Variants in FAT2 observed in about 807,000 individuals in gnomAD.
FAT2 encodes protocadherin Fat 2.
In FAT2, 150 loss-of-function variants were observed where a neutral mutation model predicts 295.3. The observed-to-expected ratio is 0.51, with a 90% CI of 0.44 to 0.58. The LOEUF is 0.58. Among genes scored for constraint, FAT2 ranks in the 20% least tolerant of loss-of-function variants. The pLI is 0.00. For synonymous variants in FAT2, 2,026 were observed against 2,150.3 expected, an observed-to-expected ratio of 0.94 and a Z score of 1.60; for missense variants, 4,868 against 5,442.7, an observed-to-expected ratio of 0.89 and a Z score of 3.32.
chr5:151,520,035 T>A (rs73272057), intron 19 of FAT2, among the ~76,000 whole-genome samples: 1 of 152,208 alleles, frequency 6.6e-6, no homozygotes, highest in African/African-American at 2.4e-5. Flanking sequence ...TGGCTTTCCC[T>A]GAAGCAGGCC....
In FAT2 at chr5:151,567,691, A is replaced by C. The variant is rs143809308; in HGVS notation, c.1241T>G (p.Leu414Trp). 2.5e-4 allele frequency: 403 copies of C among 1,614,208 alleles called. 2 individuals carry two copies. Among genetic ancestry groups the C allele is most frequent in the South Asian group, 7.1e-4 (65 of 91,076 alleles). Residue 414 changes from leucine to tryptophan, a missense_variant, in exon 2 of 24, where the codon TTG becomes TGG. Physicochemically the swap from Leu to Trp is moderately conservative, Grantham distance 61. Transcript: ENST00000261800. ...VGFKLNARTG[L>W]ITTTKLMDFH... ...GTCCATGAGCTTTGTGGTGGTGATC[A>C]ACCCAGTTCGAGCATTAAGTTTAAA...
At chr5:151,574,722 A>G (rs1415499444) in intron 1 of FAT2, among the ~76,000 whole-genome samples, 1 of 152,258 alleles carries the variant, frequency 6.6e-6, no homozygotes, top group East Asian at 1.9e-4. Context: ...GTTTAAGACA[A>G]CTGGAATTCA....
At position 151,504,849 on chromosome 5, in the gene FAT2, C is replaced by T. The variant is rs969612712; in HGVS notation, c.*716G>A. On this transcript the variant is annotated 3_prime_UTR_variant, in exon 24 of 24. Coordinates refer to ENST00000261800, the MANE Select transcript of FAT2 (RefSeq NM_001447.3). ...CCCTGACTGGCAGCCAGTGGTGTGACTCTGAGGTGGGCCCGTTCCTCTGCG... is the reference window on the plus strand; with the variant it reads ...CCCTGACTGGCAGCCAGTGGTGTGATTCTGAGGTGGGCCCGTTCCTCTGCG... 1 of 152,696 alleles carries T rather than the reference C, an allele frequency of 6.5e-6. No homozygotes were observed. The highest frequency in any genetic ancestry group is 1.5e-5 in the Non-Finnish European group (1 of 68,134). 9.5% of individuals were successfully genotyped at this position (152,696 alleles called of 1,614,324 possible).
chr5:151,527,403 T>G, intron 16 of FAT2, 26 bp from the exon 17 acceptor site: 1 of 1,563,434 alleles, frequency 6.4e-7, no homozygotes, highest in Non-Finnish European at 8.7e-7. Context: ...CAGTGGAGGT[T>G]AGCAATGAGG....
In FAT2 at chr5:151,531,765, T is replaced by C. The variant is rs568139720; in HGVS notation, c.9633A>G (p.Leu3211=). 12 of 1,612,820 alleles carry C rather than the reference T, an allele frequency of 7.4e-6. No homozygotes were observed. Among genetic ancestry groups the C allele is most frequent in the Non-Finnish European group, 1.0e-5 (12 of 1,179,972 alleles). ...LGTVTVSVVG[L]EDYLPVFLNT... is the part of the protein sequence containing the mutation. ...TCAGGAACACGGGCAGGTAGTCTTC[T>C]AGGCCCACCACCGAGACTGTGACGG... The change falls in exon 14 of 24, where the codon CTA becomes CTG. Residue 3211 remains leucine (L), a synonymous_variant. Coordinates refer to ENST00000261800, the MANE Select transcript of FAT2 (RefSeq NM_001447.3). This position sits in a 1 kb window ranked among gnomAD's most constrained non-coding sequence, Gnocchi z 5.7.
chr5:151,548,177 AG>A (rs1756839641), intron 9 of FAT2, among the ~76,000 whole-genome samples: 1 of 152,198 alleles, frequency 6.6e-6, no homozygotes, highest in Non-Finnish European at 1.5e-5. Flanking sequence ...ATACAGTACC[AG>A]TAGCTACTGT....
At chr5:151,523,359 A>G (rs765057056) in intron 18 of FAT2, among the ~76,000 whole-genome samples, 3 of 152,196 alleles carry the variant, frequency 2.0e-5, no homozygotes, top group African/African-American at 4.8e-5. Flanking sequence ...CTGTAAATAC[A>G]TTATCCTAGT....
At position 151,507,359 on chromosome 5, in the gene FAT2, G is replaced by A. The variant is rs761476586; in HGVS notation, c.12312C>T (p.Asn4104=). Residue 4104 remains asparagine (N), a synonymous_variant, in exon 23 of 24, where the codon AAC becomes AAT. Transcript: ENST00000261800. The part of the protein sequence containing the change: ...DTQAMPAIEL[N]PLSASSCNNL... The stretch of plus-strand genomic sequence containing the variant: ...TGTTGCAGGAGCTGGCACTCAATGG[G>A]TTGAGCTCGATGGCAGGCATGGCTT... 1.9e-6 allele frequency: 3 copies of A among 1,614,196 alleles called. No individual in the cohort carries two copies. Among genetic ancestry groups the A allele is most frequent in the Non-Finnish European group, 2.5e-6 (3 of 1,180,040 alleles).
chr5:151,506,373 T>A (rs559463339), intron 23 of FAT2, among the ~76,000 whole-genome samples: 1 of 152,330 alleles, frequency 6.6e-6, no homozygotes, highest in African/African-American at 2.4e-5. Context: ...GATGTCTCCA[T>A]GCAACCCACC....
chr5:151,507,548 C>A lies in FAT2; in HGVS notation c.12123G>T (p.Arg4041Ser), dbSNP rs201804836. Reference protein sequence around the residue: ...GHCLVTPEIQRGDWGQQELLI... With the variant: ...GHCLVTPEIQSGDWGQQELLI... The stretch of plus-strand genomic sequence containing the variant: ...GTAACTCCTGCTGCCCCCAGTCCCC[C>A]CTTTGGATCTCGGGAGTGACTAGGC... Residue 4041 changes from arginine to serine, a missense_variant, in exon 23 of 24, where the codon AGG becomes AGT. By Grantham distance (110) the Arg-to-Ser change is moderately radical (BLOSUM62 -1). Around this residue, in one of 5 missense-constraint regions of FAT2, gnomAD observed 492 missense variants for 482.6 expected, o/e 1.02. Coordinates refer to ENST00000261800, the MANE Select transcript of FAT2 (RefSeq NM_001447.3). 16 of 1,613,982 alleles carry A rather than the reference C, an allele frequency of 9.9e-6. No individual in the cohort carries two copies. The highest frequency in any genetic ancestry group is 4.4e-5 in the South Asian group (4 of 91,072).
At chr5:151,585,434 G>A (rs868219333) in intron 1 of FAT2, among the ~76,000 whole-genome samples, 7 of 152,216 alleles carry the variant, frequency 4.6e-5, no homozygotes, top group Non-Finnish European at 1.0e-4. Flanking sequence ...CCAACATGGT[G>A]AAACCCCATC....
At chr5:151,565,082 G>T (rs970222315) in intron 2 of FAT2, among the ~76,000 whole-genome samples, 4 of 152,128 alleles carry the variant, frequency 2.6e-5, no homozygotes, top group African/African-American at 9.6e-5. Flanking sequence ...CTCAAAAAAA[G>T]AAAAGAATTT....
At chr5:151,587,759 C>G (rs1187783943) in intron 1 of FAT2, among the ~76,000 whole-genome samples, 1 of 152,168 alleles carries the variant, frequency 6.6e-6, no homozygotes, top group African/African-American at 2.4e-5. Flanking sequence ...GATAACAGAA[C>G]CGTGTGACTT....
chr5:151,554,380 T>C lies in FAT2; in HGVS notation c.3927A>G (p.Gly1309=). 2 of 1,614,102 alleles carry C rather than the reference T, an allele frequency of 1.2e-6. No homozygotes were observed. Among genetic ancestry groups the C allele is most frequent in the Non-Finnish European group, 1.7e-6 (2 of 1,179,992 alleles). ...TGCTCACCGTTAGGATGTTGTACTC[T>C]CCAGCTGTAAAAGTGCTGCTGGATG... ...VVSSSSTFTA[G]EYNILTIKAT... Residue 1309 remains glycine (G), a synonymous_variant, in exon 5 of 24, where the codon GGA becomes GGG. Transcript: ENST00000261800.
rs2127591715 is a variant in FAT2 at position 151,531,845 on chromosome 5, G to A, written c.9553C>T (p.Leu3185Phe). ...CCCAGGTCAGAGGCACGGACCGTGA[G>A]CTCCAGTGGTGCCTGGGGCCTGACC... ...LQVRPQAPLE[L>F]TVRASDLGTP... Residue 3185 changes from leucine (L) to phenylalanine (F), a missense_variant, in exon 14 of 24, where the codon CTC becomes TTC. Around this residue, in one of 5 missense-constraint regions of FAT2, gnomAD observed 1,046 missense variants for 1,210.1 expected, o/e 0.86. Transcript: ENST00000261800. The surrounding 1 kb of genome is among the most constrained non-coding windows in gnomAD (Gnocchi z 5.7). 6.2e-7 allele frequency: 1 copy of A among 1,614,076 alleles called. No individual in the cohort carries two copies. The highest frequency in any genetic ancestry group is 8.5e-7 in the Non-Finnish European group (1 of 1,180,016).
At chr5:151,559,503 G>T (rs1196034384) in intron 3 of FAT2, among the ~76,000 whole-genome samples, 1 of 151,968 alleles carries the variant, frequency 6.6e-6, no homozygotes, top group Non-Finnish European at 1.5e-5. Flanking sequence ...CTTCTATCTG[G>T]CTCCATCCCT....
At chr5:151,572,973 G>A (rs1009831606) in intron 1 of FAT2, among the ~76,000 whole-genome samples, 1 of 152,244 alleles carries the variant, frequency 6.6e-6, no homozygotes, top group African/African-American at 2.4e-5. Flanking sequence ...ACATTTACAA[G>A]AGGGCACACA....
Position 151,545,542 on chromosome 5 carries a change from A to T in FAT2, c.5585T>A (p.Val1862Asp). Residue 1862 changes from valine (V) to aspartate (D), a missense_variant, in exon 10 of 24, where the codon GTC becomes GAC. This residue lies in a region of FAT2 where 3,297 missense variants were observed against 3,669.4 expected (regional missense o/e 0.90). Coordinates refer to ENST00000261800, the MANE Select transcript of FAT2 (RefSeq NM_001447.3). ...APRPAQVIIH[V>D]RDVNDSPPRF... is the part of the protein sequence containing the mutation. ...GGGAGGGGAATCATTCACATCTCTGACATGAATGATGACTTGGGCAGGTCT... is the reference window on the plus strand; with the variant it reads ...GGGAGGGGAATCATTCACATCTCTGTCATGAATGATGACTTGGGCAGGTCT... 6.2e-7 allele frequency: 1 copy of T among 1,614,202 alleles called. No homozygotes were observed.
At chr5:151,513,061 T>C (rs1761445484) in intron 20 of FAT2, among the ~76,000 whole-genome samples, 2 of 152,342 alleles carry the variant, frequency 1.3e-5, no homozygotes, top group Non-Finnish European at 2.9e-5. Flanking sequence ...GGGCAAAGTA[T>C]TTTTATAGTA....
Sources: gnomAD v4.1 joint callset for allele counts (sites outside exome capture counted in the v4.1 genomes callset) on GRCh38, gnomAD v4.1.1 for gene constraint, gnomAD v4.1.1 regional missense constraint, Gnocchi (gnomAD v3.1) non-coding constraint, MANE v1.5 for transcripts, NCBI Gene and HGNC (gene_info 2026-07-23, HGNC 2026-07-21) for gene names.